REST: variants seen among roughly 807,000 people sequenced by gnomAD.
REST encodes RE1 silencing transcription factor, also known as RE1-silencing transcription factor.
In REST, 1 loss-of-function variant was observed where a neutral mutation model predicts 30.4. That is an observed-to-expected ratio of 0.03 (90% CI 0.01 to 0.16). The LOEUF is 0.16. Ranked by LOEUF, REST falls within the 10% of genes least tolerant of loss-of-function variation. REST has a pLI of 1.00. For missense variants in REST, 1,259 were observed against 1,329.5 expected (o/e 0.95, Z 0.82); for synonymous variants, 504 against 451.1 (o/e 1.12, Z -1.49).
At chr4:56,919,664 A>G (rs1720361411) in intron 2 of REST, 123 bp from the exon 3 acceptor site, 1 of 474,202 alleles carries the variant, frequency 2.1e-6, no homozygotes, top group South Asian at 6.6e-5. Context: ...TTTTTGCCAG[A>G]AATAGGAAAA....
At chr4:56,909,451 G>A (rs1417296212) in intron 1 of REST, 1 of 152,272 alleles carries the variant, frequency 6.6e-6, no homozygotes, top group African/African-American at 2.4e-5. Context: ...AATTCCATTT[G>A]GGGTGGCAGT....
chr4:56,931,854 C>T lies in REST; in HGVS notation c.2996C>T (p.Ala999Val). The change falls in exon 4 of 4, where the codon GCA (alanine) becomes GTA (valine). Residue 999 changes from alanine (A) to valine (V), a missense_variant. This residue lies in a region of REST where 856 missense variants were observed against 772.8 expected (regional missense o/e 1.11). Coordinates refer to ENST00000309042, the MANE Select transcript of REST (RefSeq NM_005612.5). ...ALASPPATMA[A>V]NESQEIDEDE... ...GCATCACCTCCTGCTACAATGGCAG[C>T]AAATGAGTCTCAGGAAATTGATGAA... 6.2e-7 allele frequency: 1 copy of T among 1,614,198 alleles called. No homozygotes were observed. The highest frequency in any genetic ancestry group is 8.5e-7 in the Non-Finnish European group (1 of 1,180,028).
intron 3 of REST, among the ~76,000 whole-genome samples, chr4:56,928,205 C>T (rs993868536): frequency 2.6e-5 from 4 of 151,940 alleles, no homozygotes; most frequent in African/African-American, 9.7e-5. Flanking sequence ...CTTCTGGGTC[C>T]AAGCAATTCT....
chr4:56,930,957 A>G lies in REST; in HGVS notation c.2099A>G (p.Gln700Arg). The G allele has an allele frequency of 6.2e-7, 1 of 1,613,984 alleles. No individual in the cohort carries two copies. The highest frequency in any genetic ancestry group is 8.5e-7 in the Non-Finnish European group (1 of 1,179,844). The part of the protein sequence containing the change: ...PMETAQTEVA[Q>R]MGPAPMEPAQ... ...GAGACTGCTCAGACGGAGGTTGCCC[A>G]AATGGGGCCTGCTCCCATGGAACCT... Residue 700 changes from glutamine (Q) to arginine (R), a missense_variant, in exon 4 of 4, where the codon CAA becomes CGA. Transcript: ENST00000309042.
chr4:56,922,105 A>C (rs530853563), intron 3 of REST, among the ~76,000 whole-genome samples: 1 of 152,140 alleles, frequency 6.6e-6, no homozygotes, highest in East Asian at 1.9e-4. Flanking sequence ...TTTTTCCTAA[A>C]TCTAAGCCAT....
chr4:56,918,202 T>G (rs1266004417), intron 2 of REST, among the ~76,000 whole-genome samples: 2 of 149,946 alleles, frequency 1.3e-5, no homozygotes, highest in African/African-American at 5.0e-5. Context: ...TTTTAAAAAT[T>G]GATGACTGGT....
Position 56,931,308 on chromosome 4 carries a change from G to A in REST, c.2450G>A (p.Arg817Gln), listed in dbSNP as rs745977591. 19 of 1,614,106 alleles carry A rather than the reference G, an allele frequency of 1.2e-5. No individual in the cohort carries two copies. Among genetic ancestry groups the A allele is most frequent in the East Asian group, 6.7e-5 (3 of 44,902 alleles). ...CCAATTTCCAAAAAGCCTCCTCTCCGAAAAGATAAAAAGGAAAAGTCTAAC... is the reference window on the plus strand; with the variant it reads ...CCAATTTCCAAAAAGCCTCCTCTCCAAAAAGATAAAAAGGAAAAGTCTAAC... ...MEPISKKPPL[R>Q]KDKKEKSNMQ... The change falls in exon 4 of 4, where the codon CGA (arginine) becomes CAA (glutamine). Residue 817 changes from arginine (R) to glutamine (Q), a missense_variant. This residue lies in a region of REST where 856 missense variants were observed against 772.8 expected (regional missense o/e 1.11). Coordinates refer to ENST00000309042, the MANE Select transcript of REST (RefSeq NM_005612.5).
At chr4:56,917,267 A>G (rs1162800688) in intron 2 of REST, among the ~76,000 whole-genome samples, 1 of 152,236 alleles carries the variant, frequency 6.6e-6, no homozygotes, top group Non-Finnish European at 1.5e-5. Context: ...CTACCAGCGA[A>G]TTACAGCAGA....
chr4:56,917,627 C>CTTT (rs1720261353), intron 2 of REST, among the ~76,000 whole-genome samples: 1 of 152,190 alleles, frequency 6.6e-6, no homozygotes, highest in Non-Finnish European at 1.5e-5. Context: ...ATTATTTAAG[C>CTTT]TTTTGCAATT....
chr4:56,910,836 G>C lies in REST; in HGVS notation c.198G>C (p.Leu66=). 1 of 1,614,158 alleles carries C rather than the reference G, an allele frequency of 6.2e-7. No individual in the cohort carries two copies. The highest frequency in any genetic ancestry group is 1.1e-5 in the South Asian group (1 of 91,076). ...TAAATGGCAGCTGCTGTGATTACCT[G>C]GTCGGTGAAGAAAGACAGATGGCAG... ...GEVNGSCCDY[L]VGEERQMAEL... Residue 66 remains leucine (L), a synonymous_variant, in exon 2 of 4, where the codon CTG becomes CTC. Coordinates refer to ENST00000309042, the MANE Select transcript of REST (RefSeq NM_005612.5).
At position 56,931,190 on chromosome 4, in the gene REST, C is replaced by G. The variant is rs1438822320; in HGVS notation, c.2332C>G (p.Gln778Glu). Residue 778 changes from glutamine to glutamate, a missense_variant, in exon 4 of 4, where the codon CAG (glutamine) becomes GAG (glutamate). Physicochemically the swap from Gln to Glu is conservative, Grantham distance 29. Transcript: ENST00000309042. ...AGAGGTGGTCCAGAAGGAGCCTGTTCAGATGGAGTTGTCTCCTCCCATGGG... is the reference window on the plus strand; with the variant it reads ...AGAGGTGGTCCAGAAGGAGCCTGTTGAGATGGAGTTGTCTCCTCCCATGGG... ...PIEVVQKEPV[Q>E]MELSPPMGVV... 3.1e-6 allele frequency: 5 copies of G among 1,613,970 alleles called. No individual in the cohort carries two copies. Among genetic ancestry groups the G allele is most frequent in the Middle Eastern group, 1.7e-4 (1 of 6,058 alleles).
rs1719903771 is a variant in REST at position 56,911,406 on chromosome 4, A to C, written c.768A>C (p.Thr256=). 1 of 1,614,244 alleles carries C rather than the reference A, an allele frequency of 6.2e-7. No individual in the cohort carries two copies. Among genetic ancestry groups the C allele is most frequent in the Non-Finnish European group, 8.5e-7 (1 of 1,180,040 alleles). Residue 256 remains threonine, a synonymous_variant, in exon 2 of 4, where the codon ACA becomes ACC. Coordinates refer to ENST00000309042, the MANE Select transcript of REST (RefSeq NM_005612.5). ...ACAAGTGTATCATTTGCACATACAC[A>C]ACAGTGAGCGAGTATCACTGGAGGA... ...RVYKCIICTY[T]TVSEYHWRKH... is the part of the protein sequence containing the mutation.
intron 2 of REST, among the ~76,000 whole-genome samples, chr4:56,917,174 C>T (rs1720237776): frequency 6.6e-6 from 1 of 152,050 alleles, no homozygotes; most frequent in Non-Finnish European, 1.5e-5. Context: ...TTACAGAATT[C>T]CATTAACATA....
intron 2 of REST, among the ~76,000 whole-genome samples, chr4:56,919,267 T>A (rs1720340894): frequency 6.6e-6 from 1 of 152,166 alleles, no homozygotes; most frequent in Non-Finnish European, 1.5e-5. Context: ...CAGGCTGGTC[T>A]GGAACTCTAC....
At chr4:56,915,662 A>G (rs535339151) in intron 2 of REST, among the ~76,000 whole-genome samples, 1 of 152,300 alleles carries the variant, frequency 6.6e-6, no homozygotes, top group Non-Finnish European at 1.5e-5. Flanking sequence ...ATTATGGAAA[A>G]TAAACTCATC....
At chr4:56,928,264 AC>A (rs1336460300) in intron 3 of REST, among the ~76,000 whole-genome samples, 1 of 151,934 alleles carries the variant, frequency 6.6e-6, no homozygotes, top group Non-Finnish European at 1.5e-5. Flanking sequence ...CTGCCACTAC[AC>A]CCGGCTAATT....
rs758412467 is a variant in REST, at chr4:56,911,548, T to A, written c.898+12T>A. On this transcript the variant is annotated intron_variant, in intron 2 of 3. Transcript: ENST00000309042. ...TAGAACTCATACAGGTAAGAGAAGC[T>A]TTCTAGTCCATAAGTTCAGTTCTCT... is the stretch of plus-strand genomic sequence containing the variant. The A allele has an allele frequency of 2.5e-6, 4 of 1,597,644 alleles. No homozygotes were observed. In the Admixed American group the frequency reaches 6.8e-5, roughly 27 times the overall value.
chr4:56,922,318 T>A (rs200058114), intron 3 of REST: 1 of 143,932 alleles, frequency 6.9e-6, no homozygotes, highest in Non-Finnish European at 1.5e-5. Context: ...ATTATTACTT[T>A]TTTTTTTTTT....
chr4:56,930,104 C>G lies in REST; in HGVS notation c.1246C>G (p.Pro416Ala), dbSNP rs754183550. 2 of 1,613,702 alleles carry G rather than the reference C, an allele frequency of 1.2e-6. No individual in the cohort carries two copies. Among genetic ancestry groups the G allele is most frequent in the Admixed American group, 1.7e-5 (1 of 59,924 alleles). The change falls in exon 4 of 4, where the codon CCT becomes GCT. Residue 416 changes from proline to alanine, a missense_variant. Pro to Ala is a conservative substitution (Grantham distance 27, BLOSUM62 -1). Around this residue, in one of 5 missense-constraint regions of REST, gnomAD observed 856 missense variants for 772.8 expected, o/e 1.11. Coordinates refer to ENST00000309042, the MANE Select transcript of REST (RefSeq NM_005612.5). Reference protein sequence around the residue: ...YHFKSKHPTCPNKTMDVSKVK... With the variant: ...YHFKSKHPTCANKTMDVSKVK... ...CTTCAAATCTAAGCATCCTACTTGT[C>G]CTAATAAAACAATGGATGTCTCAAA... is the stretch of plus-strand genomic sequence containing the variant.
Sources: allele counts gnomAD v4.1 joint callset (sites outside exome capture counted in the v4.1 genomes callset), GRCh38; gene constraint gnomAD v4.1.1; regional missense constraint gnomAD v4.1.1; transcripts MANE v1.5; gene names NCBI Gene and HGNC (gene_info 2026-07-23, HGNC 2026-07-21).